The following CAMKMT variants were observed in gnomAD, a reference collection of about 807,000 sequenced individuals.
The protein encoded by CAMKMT is calmodulin-lysine N-methyltransferase.
CAMKMT carries 53 observed loss-of-function variants against 48.0 expected under a neutral mutation model. The ratio of observed to expected loss-of-function variants is 1.10; its 90% CI spans 0.89 to 1.39. CAMKMT has a LOEUF of 1.39. Among genes scored for constraint, CAMKMT ranks in the 40% most tolerant of loss-of-function variants. The pLI is 0.00. For synonymous variants in CAMKMT, 165 were observed against 152.3 expected (o/e 1.08, Z -0.61); for missense variants, 428 against 402.7 (o/e 1.06, Z -0.54).
intron 8 of CAMKMT, among the ~76,000 whole-genome samples, chr2:44,744,723 A>G (rs1374928018): frequency 6.6e-6 from 1 of 152,068 alleles, no homozygotes; most frequent in Non-Finnish European, 1.5e-5. Context: ...TATTATTATT[A>G]TTTTAATAAG....
At chr2:44,755,369 T>TC (rs201374530) in intron 9 of CAMKMT, among the ~76,000 whole-genome samples, 1 of 152,026 alleles carries the variant, frequency 6.6e-6, no homozygotes, top group East Asian at 1.9e-4. Context: ...GGTTTCAGCA[T>TC]CCCCCCACCC....
intron 3 of CAMKMT, among the ~76,000 whole-genome samples, chr2:44,511,320 G>A (rs116628103): frequency 1.6e-4 from 25 of 152,178 alleles, no homozygotes; most frequent in South Asian, 6.2e-4. Context: ...ACGGAGTCTT[G>A]CTCTGTCACG....
At chr2:44,510,020 T>C (rs1558665648) in intron 3 of CAMKMT, among the ~76,000 whole-genome samples, 1 of 152,200 alleles carries the variant, frequency 6.6e-6, no homozygotes, top group Non-Finnish European at 1.5e-5. Context: ...CTCAAATACT[T>C]TTCCCCTGGC....
rs183298851 is a variant in CAMKMT at position 44,653,680 on chromosome 2, A to T, written c.377-50603A>T. 9.2e-4 allele frequency among the ~76,000 whole-genome samples: 140 copies of T among 152,344 alleles called. No homozygotes were observed. Among genetic ancestry groups the T allele is most frequent in the African/African-American group, 3.3e-3 (138 of 41,584 alleles). ...CTACATTAGTGACAGGTGACCAACC[A>T]AGATTAATGAAAAATTTTATCCCCC... On this transcript the variant is annotated intron_variant, in intron 3 of 10. Transcript: ENST00000378494. This position sits in a 1 kb window ranked among gnomAD's most constrained non-coding sequence, Gnocchi z 5.2.
At chr2:44,560,472 A>G (rs931440264) in intron 3 of CAMKMT, among the ~76,000 whole-genome samples, 10 of 152,012 alleles carry the variant, frequency 6.6e-5, no homozygotes, top group Non-Finnish European at 1.3e-4. Context: ...GTGTCTTGCT[A>G]TATTGCCCAG....
At chr2:44,479,617 C>G (rs1338278475) in intron 3 of CAMKMT, among the ~76,000 whole-genome samples, 1 of 152,178 alleles carries the variant, frequency 6.6e-6, no homozygotes, top group Non-Finnish European at 1.5e-5. Flanking sequence ...CATTGTTGTT[C>G]AGATCCTATA....
chr2:44,486,121 C>T (rs573234386), intron 3 of CAMKMT, among the ~76,000 whole-genome samples: 1 of 152,194 alleles, frequency 6.6e-6, no homozygotes, highest in East Asian at 1.9e-4. Flanking sequence ...CGTGCCACCA[C>T]GCCTGGCTAA....
chr2:44,752,721 C>T (rs1680203891), intron 8 of CAMKMT, among the ~76,000 whole-genome samples: 2 of 152,200 alleles, frequency 1.3e-5, no homozygotes, highest in Admixed American at 6.5e-5. Context: ...CATCTGGTCT[C>T]TTCTGCCAAG....
intron 3 of CAMKMT, among the ~76,000 whole-genome samples, chr2:44,413,099 T>TAAATA (rs1324469719): frequency 2.0e-4 from 30 of 149,972 alleles, no homozygotes; most frequent in African/African-American, 6.9e-4. Context: ...TAAAATAAAT[T>TAAATA]AAATAAATAA....
intron 3 of CAMKMT, among the ~76,000 whole-genome samples, chr2:44,473,654 A>G (rs1668535020): frequency 6.6e-6 from 1 of 152,214 alleles, no homozygotes; most frequent in South Asian, 2.1e-4. Flanking sequence ...TGAAGTTACA[A>G]AATATAAAAA....
chr2:44,363,837 C>G (rs1379701613), intron 1 of CAMKMT, among the ~76,000 whole-genome samples: 1 of 151,612 alleles, frequency 6.6e-6, no homozygotes, highest in African/African-American at 2.4e-5. Flanking sequence ...ATTACAGGTG[C>G]TCGCCATTAC....
intron 3 of CAMKMT, among the ~76,000 whole-genome samples, chr2:44,443,902 G>C (rs1039415072): frequency 3.9e-5 from 6 of 152,118 alleles, no homozygotes; most frequent in Non-Finnish European, 8.8e-5. Context: ...ACAGAATTGG[G>C]CATAATAATG....
At chr2:44,684,699 T>C (rs759786267) in intron 3 of CAMKMT, among the ~76,000 whole-genome samples, 12 of 152,196 alleles carry the variant, frequency 7.9e-5, no homozygotes, top group Non-Finnish European at 1.8e-4. Context: ...GAATGTGGAT[T>C]CTTCCATGTT....
At chr2:44,445,315 C>G (rs991978884) in intron 3 of CAMKMT, among the ~76,000 whole-genome samples, 1 of 152,088 alleles carries the variant, frequency 6.6e-6, no homozygotes, top group Non-Finnish European at 1.5e-5. Flanking sequence ...GGACTCACTT[C>G]CTTCTTTCCC....
chr2:44,570,061 C>T (rs1668826810), intron 3 of CAMKMT, among the ~76,000 whole-genome samples: 1 of 151,992 alleles, frequency 6.6e-6, no homozygotes, highest in Admixed American at 6.6e-5. Flanking sequence ...ACTAGATTAT[C>T]CCCATATCAG....
At chr2:44,512,548 C>G (rs1433038664) in intron 3 of CAMKMT, among the ~76,000 whole-genome samples, 3 of 152,172 alleles carry the variant, frequency 2.0e-5, no homozygotes, top group Non-Finnish European at 4.4e-5. Context: ...TTTTCCTACC[C>G]TTTCATTGTT....
chr2:44,639,206 G>A (rs1463479777), intron 3 of CAMKMT, among the ~76,000 whole-genome samples: 1 of 152,232 alleles, frequency 6.6e-6, no homozygotes, highest in African/African-American at 2.4e-5. Flanking sequence ...ATATCTGACA[G>A]AAATAACTAG....
chr2:44,460,289 T>G (rs1667780891), intron 3 of CAMKMT, among the ~76,000 whole-genome samples: 1 of 152,226 alleles, frequency 6.6e-6, no homozygotes, highest in South Asian at 2.1e-4. Context: ...ATAACTTGTT[T>G]CAAAATAAAA....
chr2:44,678,001 T>A (rs1239129242), intron 3 of CAMKMT, among the ~76,000 whole-genome samples: 1 of 152,014 alleles, frequency 6.6e-6, no homozygotes, highest in African/African-American at 2.4e-5. Flanking sequence ...TTCTGTACTA[T>A]GAAAATTTTA....
Sources: allele counts gnomAD v4.1 joint callset (sites outside exome capture counted in the v4.1 genomes callset), GRCh38; gene constraint gnomAD v4.1.1; non-coding constraint Gnocchi (gnomAD v3.1); transcripts MANE v1.5; gene names NCBI Gene and HGNC (gene_info 2026-07-23, HGNC 2026-07-21).